CYYR1: variants seen among roughly 807,000 people sequenced by gnomAD.
CYYR1 encodes the protein cysteine and tyrosine-rich protein 1.
A neutral mutation model predicts 15.2 loss-of-function variants in CYYR1; 14 were observed. That is an observed-to-expected ratio of 0.92 (90% CI 0.61 to 1.44). The LOEUF is 1.44. CYYR1 is among the 40% of genes most tolerant of loss of function. CYYR1 has a pLI of 0.00. For synonymous variants in CYYR1, 80 were observed against 77.4 expected (o/e 1.03, Z -0.18); for missense variants, 228 against 209.5 (o/e 1.09, Z -0.54).
At chr21:26,538,520 T>C (rs1356904642) in intron 2 of CYYR1, among the ~76,000 whole-genome samples, 2 of 152,172 alleles carry the variant, frequency 1.3e-5, no homozygotes, top group Non-Finnish European at 2.9e-5. Context: ...CATGTGCTTA[T>C]TTTTCCACCA....
Position 26,572,977 on chromosome 21 carries a change from G to A in CYYR1, c.-37C>T, listed in dbSNP as rs200490811. On this transcript the variant is annotated 5_prime_UTR_variant, in exon 1 of 4. Coordinates refer to ENST00000652641, the MANE Select transcript of CYYR1 (RefSeq NM_001320768.2). ...GCCTGAGGCTTGGAGCGAAGGGAGA[G>A]CCCGGAACCGGAGGGAATGGGGAGG... The A allele has an allele frequency of 6.2e-7, 1 of 1,613,238 alleles. No homozygotes were observed. The highest frequency in any genetic ancestry group is 1.7e-5 in the Admixed American group (1 of 59,912).
chr21:26,551,131 T>C (rs1280192262), intron 2 of CYYR1: 1 of 152,662 alleles, frequency 6.6e-6, no homozygotes, highest in East Asian at 1.9e-4. Context: ...TATGGCAGCA[T>C]GTCTGTTTAC....
intron 2 of CYYR1, among the ~76,000 whole-genome samples, chr21:26,533,180 G>T (rs1053220133): frequency 6.7e-6 from 1 of 148,616 alleles, no homozygotes; most frequent in Non-Finnish European, 1.5e-5. Context: ...ATTTACTATA[G>T]TAAATACATA....
chr21:26,514,736 T>C (rs1191074722), intron 2 of CYYR1, among the ~76,000 whole-genome samples: 1 of 152,190 alleles, frequency 6.6e-6, no homozygotes, highest in Non-Finnish European at 1.5e-5. Context: ...TCAGGCCATG[T>C]AATAAGGCTT....
Position 26,566,314 on chromosome 21 carries a change from G to GTGA in CYYR1, c.127_128insTCA (p.Gly42_Thr43insIle). Reference sequence around the variant, plus strand: ...GTAGTAGGAGCAACAGTAGGGCGTGGTTCCATCACAGCAGTAAGATTTGCA... The same window carrying GTGA: ...GTAGTAGGAGCAACAGTAGGGCGTGGTGATTCCATCACAGCAGTAAGATTTGCA... On this transcript the variant is annotated inframe_insertion, in exon 2 of 4. Coordinates refer to ENST00000652641, the MANE Select transcript of CYYR1 (RefSeq NM_001320768.2). 6.2e-7 allele frequency: 1 copy of GTGA among 1,613,916 alleles called. No homozygotes were observed. The highest frequency in any genetic ancestry group is 8.5e-7 in the Non-Finnish European group (1 of 1,179,904).
Position 26,565,350 on chromosome 21 carries a change from T to C in CYYR1, c.176+916A>G, listed in dbSNP as rs141682832. The stretch of plus-strand genomic sequence containing the variant: ...AGCGCCTAATGTTTCCCGTTTCCAC[T>C]TGAGCCTTTGTAGGGCATGAATTAA... On this transcript the variant is annotated intron_variant, in intron 2 of 3. Coordinates refer to ENST00000652641, the MANE Select transcript of CYYR1 (RefSeq NM_001320768.2). Among the ~76,000 whole-genome samples, 15 of 152,292 alleles carry C rather than the reference T, an allele frequency of 9.8e-5. No individual in the cohort carries two copies. The East Asian group carries it at 2.9e-3, about 29-fold the overall frequency.
At position 26,527,231 on chromosome 21, in the gene CYYR1, C is replaced by T. The variant is rs559682985; in HGVS notation, c.176+39035G>A. ...TGCCAGTTTCCCTCTTGCTTTCTCCCCAGGCCAACATATTACCAAAATAAG... is the reference window on the plus strand; with the variant it reads ...TGCCAGTTTCCCTCTTGCTTTCTCCTCAGGCCAACATATTACCAAAATAAG... On this transcript the variant is annotated intron_variant, in intron 2 of 3. Coordinates refer to ENST00000652641, the MANE Select transcript of CYYR1 (RefSeq NM_001320768.2). Among the ~76,000 whole-genome samples, 127 of 152,262 alleles carry T rather than the reference C, an allele frequency of 8.3e-4. 1 individual carries two copies. The highest frequency in any genetic ancestry group is 1.4e-3 in the Non-Finnish European group (96 of 68,014).
intron 2 of CYYR1, chr21:26,506,683 G>A (rs1351666415): frequency 1.3e-5 from 2 of 152,134 alleles, no homozygotes; most frequent in Non-Finnish European, 1.5e-5. Context: ...CTGGACACCT[G>A]ACCCAGGTGC....
At position 26,468,318 on chromosome 21, in the gene CYYR1, A is replaced by G. The variant is rs2064992454; in HGVS notation, c.*183T>C. On this transcript the variant is annotated 3_prime_UTR_variant, in exon 4 of 4. Coordinates refer to ENST00000652641, the MANE Select transcript of CYYR1 (RefSeq NM_001320768.2). ...CCATAGAACCAAACATTAATACTCC[A>G]GATGGGGTCAGCTTTGAGCAGAGTA... 4.7e-6 allele frequency: 3 copies of G among 635,100 alleles called. No homozygotes were observed. The African/African-American group carries it at 5.4e-5, about 11-fold the overall frequency. The allele number at this position is 635,100 out of a possible 1,614,324, so 39.3% of individuals were successfully genotyped here. A position where few individuals can be genotyped will look rare whatever the true frequency, so the allele number is the denominator to read the frequency against.
chr21:26,496,593 G>A lies in CYYR1; in HGVS notation c.177-16164C>T, dbSNP rs886524793. ...CAAAACTAGTAAACCTTAACAAGAT[G>A]TTACAGAAATAGAGACACTGAACAA... On this transcript the variant is annotated intron_variant, in intron 2 of 3. Transcript: ENST00000652641. Among the ~76,000 whole-genome samples the A allele has an allele frequency of 6.6e-5, 10 of 152,192 alleles. No individual in the cohort carries two copies. In the South Asian group the frequency reaches 1.9e-3, roughly 28 times the overall value.
intron 2 of CYYR1, among the ~76,000 whole-genome samples, chr21:26,487,543 A>G (rs550694752): frequency 4.6e-5 from 7 of 152,226 alleles, no homozygotes; most frequent in South Asian, 2.1e-4. Flanking sequence ...ACCCTTGAAT[A>G]CAATGTTTTA....
At position 26,468,382 on chromosome 21, in the gene CYYR1, A is replaced by G. The variant is rs1034416169; in HGVS notation, c.*119T>C. 8 of 772,052 alleles carry G rather than the reference A, an allele frequency of 1.0e-5. 1 individual carries two copies. Among genetic ancestry groups the G allele is most frequent in the South Asian group, 4.2e-5 (3 of 71,426 alleles). 47.8% of individuals were successfully genotyped at this position (772,052 alleles called of 1,614,324 possible). A position where few individuals can be genotyped will look rare whatever the true frequency, so the allele number is the denominator to read the frequency against. ...TCCTAGCAGGGATATTCCACCTGAC[A>G]CATTATCTGACCCCAAAAAGTATTC... is the stretch of plus-strand genomic sequence containing the variant. On this transcript the variant is annotated 3_prime_UTR_variant, in exon 4 of 4. Transcript: ENST00000652641.
chr21:26,534,367 A>G (rs576092021), intron 2 of CYYR1, among the ~76,000 whole-genome samples: 5 of 152,202 alleles, frequency 3.3e-5, no homozygotes, highest in Non-Finnish European at 5.9e-5. Context: ...TTGCATCTCT[A>G]TTATGTGTTA....
At chr21:26,531,220 G>A (rs757597196) in intron 2 of CYYR1, among the ~76,000 whole-genome samples, 1 of 152,134 alleles carries the variant, frequency 6.6e-6, no homozygotes, top group Non-Finnish European at 1.5e-5. Flanking sequence ...TGCATCAGTG[G>A]CTCATGCTCA....
intron 3 of CYYR1, among the ~76,000 whole-genome samples, chr21:26,476,616 CTATCTATCTATCTAATCTTCTAT>C (rs2065108252): frequency 6.6e-6 from 1 of 151,834 alleles, no homozygotes; most frequent in Admixed American, 6.6e-5. Context: ...ATCTATCTAT[CTATCTATCTATCTAATCTTCTAT>C]TATCTATCTA....
chr21:26,528,606 G>A (rs561845417), intron 2 of CYYR1, among the ~76,000 whole-genome samples: 1 of 152,252 alleles, frequency 6.6e-6, no homozygotes, highest in South Asian at 2.1e-4. Flanking sequence ...AGAACCATGA[G>A]CCAAAATAAA....
chr21:26,493,467 G>A (rs1481123753), intron 2 of CYYR1, among the ~76,000 whole-genome samples: 1 of 152,152 alleles, frequency 6.6e-6, no homozygotes, highest in East Asian at 1.9e-4. Context: ...GAAAAACATT[G>A]AAGGTAAAGT....
chr21:26,560,761 T>G (rs1255442328), intron 2 of CYYR1, among the ~76,000 whole-genome samples: 1 of 152,136 alleles, frequency 6.6e-6, no homozygotes, highest in Non-Finnish European at 1.5e-5. Context: ...CACTGCATTT[T>G]GTGCTTCCAG....
At chr21:26,552,844 A>G (rs1979491564) in intron 2 of CYYR1, among the ~76,000 whole-genome samples, 1 of 152,118 alleles carries the variant, frequency 6.6e-6, no homozygotes, top group Admixed American at 6.6e-5. Context: ...TATCATACAT[A>G]TCATATGTTT....
Sources: allele counts gnomAD v4.1 joint callset (sites outside exome capture counted in the v4.1 genomes callset), GRCh38; gene constraint gnomAD v4.1.1; transcripts MANE v1.5; gene names NCBI Gene and HGNC (gene_info 2026-07-23, HGNC 2026-07-21).